CRACDL: variants seen among roughly 807,000 people sequenced by gnomAD.
CRACDL encodes the protein CRACD-like protein.
A neutral mutation model predicts 70.6 loss-of-function variants in CRACDL; 26 were observed. That is an observed-to-expected ratio of 0.37 (90% CI 0.27 to 0.51). CRACDL has a LOEUF of 0.51. Among genes scored for constraint, CRACDL ranks in the 20% least tolerant of loss-of-function variants. The pLI is 0.94. For synonymous variants in CRACDL, 618 were observed against 615.2 expected, an observed-to-expected ratio of 1.00 and a Z score of -0.07; for missense variants, 1,283 against 1,376.9, an observed-to-expected ratio of 0.93 and a Z score of 1.08.
At chr2:98,903,758 T>C (rs1416522833) in intron 1 of CRACDL, among the ~76,000 whole-genome samples, 1 of 152,222 alleles carries the variant, frequency 6.6e-6, no homozygotes, top group Admixed American at 6.5e-5. Flanking sequence ...GAAGTTAGTC[T>C]CAGTAGTCAT....
intron 1 of CRACDL, among the ~76,000 whole-genome samples, chr2:98,926,419 T>C (rs1708910771): frequency 6.6e-6 from 1 of 152,260 alleles, no homozygotes; most frequent in African/African-American, 2.4e-5. Context: ...TCTTGGGAGC[T>C]TGCAGGGTGG....
At chr2:98,884,642 G>C (rs1707755246) in intron 1 of CRACDL, among the ~76,000 whole-genome samples, 1 of 152,198 alleles carries the variant, frequency 6.6e-6, no homozygotes, top group South Asian at 2.1e-4. Context: ...AGGTGATTAG[G>C]TAATGAGGGT....
At chr2:98,919,623 G>C (rs985976670) in intron 1 of CRACDL, among the ~76,000 whole-genome samples, 1 of 152,174 alleles carries the variant, frequency 6.6e-6, no homozygotes, top group Admixed American at 6.5e-5. Context: ...ATATGAGCAA[G>C]GGGCTTGATG....
In CRACDL at chr2:98,796,214, G is replaced by A. The variant is rs779096018; in HGVS notation, c.2655C>T (p.Thr885=). 4 of 1,614,084 alleles carry A rather than the reference G, an allele frequency of 2.5e-6. No homozygotes were observed. In the African/African-American group the frequency reaches 5.3e-5, roughly 22 times the overall value. The change falls in exon 9 of 10, where the codon ACC becomes ACT. Residue 885 remains threonine (T), a synonymous_variant. Coordinates refer to ENST00000397899, the MANE Select transcript of CRACDL (RefSeq NM_207362.3). The part of the protein sequence containing the change: ...DFVRSKSFLI[T]PVKPAVDRKQ... ...TCCGGTCCACAGCGGGCTTCACAGG[G>A]GTTATCAGGAAAGACTTGCTGCGAA...
chr2:98,884,186 G>A (rs1707737777), intron 1 of CRACDL, among the ~76,000 whole-genome samples: 1 of 152,202 alleles, frequency 6.6e-6, no homozygotes, highest in South Asian at 2.1e-4. Context: ...ACCTGCCCCT[G>A]CCTGCCACAG....
At position 98,893,292 on chromosome 2, in the gene CRACDL, ATT is replaced by A. The variant is rs746953290; in HGVS notation, c.-11+42644_-11+42645del. 5.1e-4 allele frequency among the ~76,000 whole-genome samples: 75 copies of A among 148,470 alleles called. 1 individual carries two copies. Among genetic ancestry groups the A allele is most frequent in the African/African-American group, 1.4e-3 (58 of 40,712 alleles). On this transcript the variant is annotated intron_variant, in intron 1 of 9. Coordinates refer to ENST00000397899, the MANE Select transcript of CRACDL (RefSeq NM_207362.3). ...GTCCTCAGTCAAGAGAAGGAACCCT[ATT>A]TTTTTTTTTAGACGAGTCTCGCTCT...
At chr2:98,867,782 A>G (rs964261258) in intron 1 of CRACDL, among the ~76,000 whole-genome samples, 10 of 152,202 alleles carry the variant, frequency 6.6e-5, no homozygotes, top group African/African-American at 2.2e-4. Context: ...AGGACACCGA[A>G]GCCCTGGGCA....
chr2:98,881,919 C>T lies in CRACDL; in HGVS notation c.-10-35109G>A, dbSNP rs553952837. On this transcript the variant is annotated intron_variant, in intron 1 of 9. Transcript: ENST00000397899. ...AGCCTCTAATTGTTTAGGCTGCACT[C>T]AGAAGGCCTGGACAACTGGAGTTCC... 1.8e-4 allele frequency among the ~76,000 whole-genome samples: 27 copies of T among 152,298 alleles called. 1 individual carries two copies. In the South Asian group the frequency reaches 5.4e-3, roughly 30 times the overall value.
chr2:98,803,247 G>A (rs987528141), intron 7 of CRACDL, among the ~76,000 whole-genome samples: 1 of 151,986 alleles, frequency 6.6e-6, no homozygotes, highest in Non-Finnish European at 1.5e-5. Context: ...TGATCCACCC[G>A]CCTCAGCCTC....
rs550954079 is a variant in CRACDL at position 98,859,511 on chromosome 2, G to GA, written c.-10-12702dup. Among the ~76,000 whole-genome samples, 381 of 152,200 alleles carry GA rather than the reference G, an allele frequency of 2.5e-3. 1 individual carries two copies. The highest frequency in any genetic ancestry group is 8.4e-3 in the African/African-American group (349 of 41,536). On this transcript the variant is annotated intron_variant, in intron 1 of 9. Transcript: ENST00000397899. The stretch of plus-strand genomic sequence containing the variant: ...TGCAAGGTTGGTTCAACATACATAT[G>GA]AAAAATCAATGCAATAAACCATATT...
intron 1 of CRACDL, among the ~76,000 whole-genome samples, chr2:98,927,860 G>A (rs973353210): frequency 2.0e-5 from 3 of 152,148 alleles, no homozygotes; most frequent in Non-Finnish European, 4.4e-5. Context: ...GTGGAAAAGA[G>A]GCTCAACTTG....
chr2:98,882,823 G>A (rs10496333), intron 1 of CRACDL, among the ~76,000 whole-genome samples: 7,106 of 152,260 alleles, frequency 0.047, 554 homozygotes, highest in African/African-American at 0.16. Flanking sequence ...ATACTTTCAG[G>A]ACTTTCAGTG....
intron 1 of CRACDL, among the ~76,000 whole-genome samples, chr2:98,916,206 T>C (rs1708661948): frequency 6.6e-6 from 1 of 152,202 alleles, no homozygotes; most frequent in Non-Finnish European, 1.5e-5. Context: ...CACAACTACA[T>C]GGATGAATCA....
chr2:98,927,770 A>G (rs1393576232), intron 1 of CRACDL, among the ~76,000 whole-genome samples: 1 of 152,248 alleles, frequency 6.6e-6, no homozygotes, highest in Admixed American at 6.5e-5. Flanking sequence ...AGGCTCGTGG[A>G]CTGGAACCTA....
intron 3 of CRACDL, 116 bp from the exon 4 acceptor site, chr2:98,833,113 G>A: frequency 2.1e-6 from 2 of 938,956 alleles, no homozygotes; most frequent in Non-Finnish European, 3.2e-6. Context: ...CACTCCCTCT[G>A]CTGCATTTAC....
At chr2:98,796,068 C>G in intron 9 of CRACDL, 52 bp downstream of exon 9, 3 of 1,577,906 alleles carry the variant, frequency 1.9e-6, no homozygotes, top group Non-Finnish European at 2.6e-6. Flanking sequence ...ACTGCAGGAA[C>G]GACCCAGGAA....
At chr2:98,915,420 G>A (rs73965212) in intron 1 of CRACDL, among the ~76,000 whole-genome samples, 86 of 152,174 alleles carry the variant, frequency 5.7e-4, no homozygotes, top group African/African-American at 2.0e-3. Flanking sequence ...AGGGCAGGGA[G>A]CAGGCCATGG....
chr2:98,880,317 G>C (rs182393480), intron 1 of CRACDL, among the ~76,000 whole-genome samples: 10 of 152,298 alleles, frequency 6.6e-5, no homozygotes, highest in African/African-American at 2.4e-4. Flanking sequence ...CAACTTTACT[G>C]TTCCAGGAAG....
intron 9 of CRACDL, among the ~76,000 whole-genome samples, chr2:98,795,341 G>A (rs1346740919): frequency 6.6e-6 from 1 of 151,880 alleles, no homozygotes; most frequent in Non-Finnish European, 1.5e-5. Flanking sequence ...CTCCCAAAGT[G>A]CTGGGATTAC....
Sources: allele counts gnomAD v4.1 joint callset (sites outside exome capture counted in the v4.1 genomes callset), GRCh38; gene constraint gnomAD v4.1.1; transcripts MANE v1.5; gene names NCBI Gene and HGNC (gene_info 2026-07-23, HGNC 2026-07-21).